NTRK2: variants seen among roughly 807,000 people sequenced by gnomAD.
The protein encoded by NTRK2 is BDNF/NT-3 growth factors receptor.
Under a neutral mutation model 94.5 loss-of-function variants are expected in NTRK2, and 13 were observed. The ratio of observed to expected loss-of-function variants is 0.14; its 90% confidence interval spans 0.09 to 0.22. The LOEUF (loss-of-function observed/expected upper bound fraction) is 0.22. Ranked by LOEUF, NTRK2 falls within the 10% of genes least tolerant of loss-of-function variation. The pLI, the probability that NTRK2 is intolerant of heterozygous loss-of-function variation, is 1.00. For synonymous variants in NTRK2, 372 were observed against 407.4 expected, an observed-to-expected ratio of 0.91 and a Z score of 1.05; for missense variants, 639 against 1,071.2, an observed-to-expected ratio of 0.60 and a Z score of 5.63.
At chr9:84,749,505 T>C (rs2064394080) in intron 11 of NTRK2, among the ~76,000 whole-genome samples, 1 of 152,182 alleles carries the variant, frequency 6.6e-6, no homozygotes, top group South Asian at 2.1e-4. Context: ...AATCACAGGA[T>C]TTATACTTGG....
At chr9:85,021,156 G>T (rs1564558573) in intron 18 of NTRK2, 96 bp from the exon 19 acceptor site, 1 of 1,064,310 alleles carries the variant, frequency 9.4e-7, no homozygotes, top group Non-Finnish European at 1.4e-6. Context: ...GGCTTCTTTT[G>T]TAAAAGCCCT....
intron 2 of NTRK2, among the ~76,000 whole-genome samples, chr9:84,689,057 T>C (rs769792483): frequency 1.3e-5 from 2 of 152,216 alleles, no homozygotes; most frequent in African/African-American, 2.4e-5. Context: ...AGCTGATGCA[T>C]GTAGAATGCT....
chr9:84,758,390 T>C (rs925755975), intron 12 of NTRK2, among the ~76,000 whole-genome samples: 4 of 151,892 alleles, frequency 2.6e-5, no homozygotes, highest in Admixed American at 1.3e-4. Flanking sequence ...TTGTAATTAT[T>C]ATTATTATTA....
chr9:84,752,966 G>A lies in NTRK2; in HGVS notation c.1396+881G>A, dbSNP rs2064771639. On this transcript the variant is annotated intron_variant, in intron 12 of 18. Coordinates refer to ENST00000277120, the MANE Select transcript of NTRK2 (RefSeq NM_006180.6). The stretch of plus-strand genomic sequence containing the variant: ...TGGATTTTCTTTATCTGTATGGTCT[G>A]TTAGAATTATGGGTAATGTTGCTAA... Among the ~76,000 whole-genome samples the A allele has an allele frequency of 2.0e-5, 3 of 152,284 alleles. No individual in the cohort carries two copies. In the South Asian group the frequency reaches 6.2e-4, roughly 32 times the overall value.
intron 15 of NTRK2, among the ~76,000 whole-genome samples, chr9:84,943,614 C>G (rs1036001261): frequency 6.6e-6 from 1 of 152,200 alleles, no homozygotes; most frequent in East Asian, 1.9e-4. Context: ...GCTCAGTGAT[C>G]GGGCAAATAT....
intron 12 of NTRK2, among the ~76,000 whole-genome samples, chr9:84,762,499 A>T (rs2065667014): frequency 6.6e-6 from 1 of 152,226 alleles, no homozygotes; most frequent in African/African-American, 2.4e-5. Flanking sequence ...TCTATGAGTG[A>T]GGACAAGTGC....
At chr9:84,797,177 A>G (rs1265442713) in intron 12 of NTRK2, among the ~76,000 whole-genome samples, 7 of 152,120 alleles carry the variant, frequency 4.6e-5, no homozygotes, top group Admixed American at 3.3e-4. Context: ...AGGTGGTTGC[A>G]TTACCCAAAG....
intron 4 of NTRK2, 127 bp downstream of exon 4, chr9:84,702,546 CT>C: frequency 1.2e-6 from 1 of 829,900 alleles, no homozygotes; most frequent in Non-Finnish European, 2.1e-6. Context: ...GTGATAATAG[CT>C]TAGAAACATT....
In NTRK2 at chr9:84,861,106, C is replaced by T. The variant is rs1300403069; in HGVS notation, c.1444+19C>T. The T allele has an allele frequency of 1.9e-6, 3 of 1,592,010 alleles. No individual in the cohort carries two copies. ...GGTGTTGGTAAGTAGTTAACTCACT[C>T]CTTCTTTGGATAAGTAATGAGTCTA... On this transcript the variant is annotated intron_variant, in intron 13 of 18. Transcript: ENST00000277120.
intron 12 of NTRK2, among the ~76,000 whole-genome samples, chr9:84,774,111 C>A (rs7870477): frequency 0.018 from 2,726 of 152,256 alleles, 99 homozygotes; most frequent in African/African-American, 0.062. Context: ...TATTTTCTTT[C>A]TCTCCCTCAT....
In NTRK2 at chr9:84,912,837, C is replaced by T. The variant is rs367811934; in HGVS notation, c.1634-21325C>T. Among the ~76,000 whole-genome samples the T allele has an allele frequency of 1.1e-4, 16 of 152,008 alleles. No homozygotes were observed. In the South Asian group the frequency reaches 1.3e-3, roughly 12 times the overall value. ...TTCACCTTGTTAGCCAGGATGGTCT[C>T]GATCTCCTGACCTTGTGATCCGCCC... On this transcript the variant is annotated intron_variant, in intron 14 of 18. Coordinates refer to ENST00000277120, the MANE Select transcript of NTRK2 (RefSeq NM_006180.6).
At chr9:85,003,569 G>A (rs1332775102) in intron 17 of NTRK2, among the ~76,000 whole-genome samples, 1 of 152,186 alleles carries the variant, frequency 6.6e-6, no homozygotes, top group Non-Finnish European at 1.5e-5. Context: ...CCTGTGTCAG[G>A]TAGGAACTGA....
rs1003801419 is a variant in NTRK2, at chr9:84,728,698, G to A, written c.1159+739G>A. Among the ~76,000 whole-genome samples, 9 of 152,076 alleles carry A rather than the reference G, an allele frequency of 5.9e-5. No homozygotes were observed. The South Asian group carries it at 1.2e-3, about 21-fold the overall frequency. On this transcript the variant is annotated intron_variant, in intron 9 of 18. Transcript: ENST00000277120. ...GCTGAGTGATTCTTTTATTGGCTCCGGAGCTGTTTTCCTAGGAGTGGTAAT... is the reference window on the plus strand; with the variant it reads ...GCTGAGTGATTCTTTTATTGGCTCCAGAGCTGTTTTCCTAGGAGTGGTAAT...
At chr9:84,868,343 G>C (rs779926086) in intron 14 of NTRK2, among the ~76,000 whole-genome samples, 1 of 152,136 alleles carries the variant, frequency 6.6e-6, no homozygotes, top group African/African-American at 2.4e-5. Flanking sequence ...TAGGCTTTGG[G>C]GGCTGCCTCT....
chr9:84,959,277 T>C (rs1466140616), intron 17 of NTRK2, among the ~76,000 whole-genome samples: 1 of 152,184 alleles, frequency 6.6e-6, no homozygotes, highest in Non-Finnish European at 1.5e-5. Context: ...CAGTTGTGTG[T>C]GGGTTTTTTT....
intron 2 of NTRK2, among the ~76,000 whole-genome samples, chr9:84,697,548 T>G (rs991946540): frequency 1.3e-5 from 2 of 152,196 alleles, no homozygotes; most frequent in Admixed American, 1.3e-4. Flanking sequence ...GGGAGTGGTT[T>G]TCTGGGAAAG....
chr9:84,719,148 C>T (rs1254967823), intron 6 of NTRK2, among the ~76,000 whole-genome samples: 1 of 152,066 alleles, frequency 6.6e-6, no homozygotes, highest in African/African-American at 2.4e-5. Context: ...TGGATATGTA[C>T]AGCTCGGGAG....
At chr9:84,810,655 G>T in intron 12 of NTRK2, 1 of 1,611,210 alleles carries the variant, frequency 6.2e-7, no homozygotes. Flanking sequence ...TGGACTCCTG[G>T]GACTGCTGTT....
intron 12 of NTRK2, among the ~76,000 whole-genome samples, chr9:84,847,835 T>C (rs189934203): frequency 1.1e-3 from 170 of 152,320 alleles, no homozygotes; most frequent in Non-Finnish European, 2.1e-3. Context: ...AGGTGGATAC[T>C]GGTTGGCAGT....
Sources: allele counts gnomAD v4.1 joint callset (sites outside exome capture counted in the v4.1 genomes callset), GRCh38; gene constraint gnomAD v4.1.1; transcripts MANE v1.5; gene names NCBI Gene and HGNC (gene_info 2026-07-23, HGNC 2026-07-21).